The following IGFBP7 variants were observed in gnomAD, a reference collection of about 807,000 sequenced individuals.
The protein encoded by IGFBP7 is insulin like growth factor binding protein 7, also known as insulin-like growth factor-binding protein 7.
In IGFBP7, 31 loss-of-function variants were observed where a neutral mutation model predicts 29.4. That is an observed-to-expected ratio of 1.05 (90% CI 0.79 to 1.42). The LOEUF (loss-of-function observed/expected upper bound fraction) is 1.42. Ranked by LOEUF, IGFBP7 falls within the 40% of genes most tolerant of loss-of-function variation. The pLI, the probability that IGFBP7 is intolerant of heterozygous loss-of-function variation, is 0.00. For synonymous variants in IGFBP7, 172 were observed against 174.9 expected (o/e 0.98, Z 0.13); for missense variants, 393 against 395.5 (o/e 0.99, Z 0.05).
chr4:57,072,656 A>G, intron 1 of IGFBP7: 1 of 305,464 alleles, frequency 3.3e-6, no homozygotes, highest in Non-Finnish European at 6.4e-6. Context: ...CCTAGCCACC[A>G]CCAGCAGGGG....
Position 57,110,054 on chromosome 4 carries a change from C to T in IGFBP7, c.298G>A (p.Ala100Thr), listed in dbSNP as rs1187170503. The part of the protein sequence containing the change: ...SRKRRKGKAG[A>T]AAGGPGVSGV... ...CTTACACCCGGACCGCCGGCTGCTG[C>T]CCCGGCTTTACCCTTCCGCCTCTTG... Residue 100 changes from alanine (A) to threonine (T), a missense_variant, in exon 1 of 5, where the codon GCA (alanine) becomes ACA (threonine). Ala to Thr is a moderately conservative substitution (Grantham distance 58, BLOSUM62 0). Coordinates refer to ENST00000295666, the MANE Select transcript of IGFBP7 (RefSeq NM_001553.3). 3.2e-6 allele frequency: 5 copies of T among 1,561,738 alleles called. No homozygotes were observed. The highest frequency in any genetic ancestry group is 1.2e-5 in the South Asian group (1 of 85,878).
chr4:57,104,494 T>C (rs1185981535), intron 1 of IGFBP7, among the ~76,000 whole-genome samples: 1 of 152,218 alleles, frequency 6.6e-6, no homozygotes, highest in Non-Finnish European at 1.5e-5. Flanking sequence ...TTGAAACCCC[T>C]TTGTTTCAAC....
intron 1 of IGFBP7, among the ~76,000 whole-genome samples, chr4:57,064,297 G>T (rs550012519): frequency 6.6e-6 from 1 of 152,296 alleles, no homozygotes; most frequent in Non-Finnish European, 1.5e-5. Flanking sequence ...TCCCACCTCG[G>T]GAGGTTGCAG....
At chr4:57,063,724 A>G (rs1020686480) in intron 1 of IGFBP7, among the ~76,000 whole-genome samples, 9 of 152,194 alleles carry the variant, frequency 5.9e-5, no homozygotes, top group Admixed American at 4.6e-4. Flanking sequence ...ATTGGTCCTC[A>G]GCTGTTTGTA....
intron 1 of IGFBP7, among the ~76,000 whole-genome samples, chr4:57,077,743 GC>G (rs1219467735): frequency 6.6e-6 from 1 of 152,172 alleles, no homozygotes; most frequent in African/African-American, 2.4e-5. Context: ...GAACAGAACT[GC>G]CGCGTCACTC....
intron 1 of IGFBP7, among the ~76,000 whole-genome samples, chr4:57,044,568 C>A (rs1724312913): frequency 6.6e-6 from 1 of 152,268 alleles, no homozygotes; most frequent in South Asian, 2.1e-4. Context: ...TTTTCCTCCC[C>A]TAAAAGGACA....
intron 1 of IGFBP7, among the ~76,000 whole-genome samples, chr4:57,057,870 G>A (rs1192477314): frequency 6.6e-6 from 1 of 152,190 alleles, no homozygotes; most frequent in African/African-American, 2.4e-5. Flanking sequence ...AAGGGTTATG[G>A]TCTGAGCCAG....
chr4:57,106,731 C>T (rs1383248551), intron 1 of IGFBP7, among the ~76,000 whole-genome samples: 1 of 152,086 alleles, frequency 6.6e-6, no homozygotes, highest in Non-Finnish European at 1.5e-5. Flanking sequence ...TGCCAAAGAG[C>T]TCAGATTTAA....
At chr4:57,081,557 C>T (rs1037708820) in intron 1 of IGFBP7, among the ~76,000 whole-genome samples, 3 of 151,970 alleles carry the variant, frequency 2.0e-5, no homozygotes, top group African/African-American at 7.2e-5. Context: ...TCTATCAGGG[C>T]AGGGGGAATG....
chr4:57,110,115 C>T lies in IGFBP7; in HGVS notation c.237G>A (p.Gly79=), dbSNP rs762509305. The change falls in exon 1 of 5, where the codon GGG becomes GGA. Residue 79 remains glycine (G), a synonymous_variant. Coordinates refer to ENST00000295666, the MANE Select transcript of IGFBP7 (RefSeq NM_001553.3). Reference sequence around the variant, plus strand: ...CGCACTCCATGCCCGGCGCGCAGTACCCCCTGCCGGCGCCGCCACCCCCGC... The same window carrying T: ...CGCACTCCATGCCCGGCGCGCAGTATCCCCTGCCGGCGCCGCCACCCCCGC... ...EPCGGGGAGR[G]YCAPGMECVK... 3 of 1,515,672 alleles carry T rather than the reference C, an allele frequency of 2.0e-6. No homozygotes were observed. The highest frequency in any genetic ancestry group is 2.6e-6 in the Non-Finnish European group (3 of 1,138,850). 93.9% of individuals were successfully genotyped at this position (1,515,672 alleles called of 1,614,324 possible).
chr4:57,073,636 G>A (rs1025196793), intron 1 of IGFBP7, among the ~76,000 whole-genome samples: 1 of 151,764 alleles, frequency 6.6e-6, no homozygotes, highest in African/African-American at 2.4e-5. Context: ...ACAACAAAAT[G>A]CCCCAGAACT....
chr4:57,083,422 CA>C (rs1197753561), intron 1 of IGFBP7, among the ~76,000 whole-genome samples: 1 of 152,236 alleles, frequency 6.6e-6, no homozygotes, highest in Non-Finnish European at 1.5e-5. Context: ...CAACTCTTCA[CA>C]TGTTTAATGG....
chr4:57,064,758 C>T (rs966465594), intron 1 of IGFBP7, among the ~76,000 whole-genome samples: 1 of 152,194 alleles, frequency 6.6e-6, no homozygotes, highest in Non-Finnish European at 1.5e-5. Flanking sequence ...TAAGAGGCCC[C>T]AGGGGTTAAA....
intron 1 of IGFBP7, among the ~76,000 whole-genome samples, chr4:57,055,277 A>T (rs532688230): frequency 1.3e-5 from 2 of 152,288 alleles, no homozygotes; most frequent in East Asian, 3.9e-4. Context: ...GTGTCGAAAA[A>T]AATGCCCATT....
At chr4:57,071,530 A>G (rs1725053539) in intron 1 of IGFBP7, among the ~76,000 whole-genome samples, 1 of 152,174 alleles carries the variant, frequency 6.6e-6, no homozygotes, top group Admixed American at 6.5e-5. Flanking sequence ...GTTGCAACAC[A>G]CACAAGGAAA....
At chr4:57,109,689 G>C (rs954248345) in intron 1 of IGFBP7, 188 bp downstream of exon 1, 5 of 656,916 alleles carry the variant, frequency 7.6e-6, no homozygotes, top group Admixed American at 7.0e-5. Flanking sequence ...AAAGGAGAAG[G>C]GGGGGCGTCG....
intron 1 of IGFBP7, among the ~76,000 whole-genome samples, chr4:57,092,039 C>T (rs1404413521): frequency 6.6e-6 from 1 of 152,136 alleles, no homozygotes; most frequent in Non-Finnish European, 1.5e-5. Context: ...GGAGGTATGC[C>T]ATTGACTGTA....
At chr4:57,057,139 G>T (rs1724693845) in intron 1 of IGFBP7, among the ~76,000 whole-genome samples, 1 of 152,110 alleles carries the variant, frequency 6.6e-6, no homozygotes, top group South Asian at 2.1e-4. Context: ...CCAAGTAGCT[G>T]GGACTACAGG....
intron 1 of IGFBP7, among the ~76,000 whole-genome samples, chr4:57,060,912 G>A (rs7673762): frequency 9.9e-5 from 15 of 151,192 alleles, no homozygotes; most frequent in African/African-American, 3.7e-4. Context: ...GGGCAAAAAA[G>A]TTTTTTTTCC....
Sources: gnomAD v4.1 joint callset for allele counts (sites outside exome capture counted in the v4.1 genomes callset) on GRCh38, gnomAD v4.1.1 for gene constraint, MANE v1.5 for transcripts, NCBI Gene and HGNC (gene_info 2026-07-23, HGNC 2026-07-21) for gene names.